The following TAF3 variants were observed in gnomAD, a reference collection of about 807,000 sequenced individuals.
TAF3 encodes TATA-box binding protein associated factor 3.
TAF3 carries 7 observed loss-of-function variants against 80.6 expected under a neutral mutation model. The ratio of observed to expected loss-of-function variants is 0.09; its 90% CI spans 0.05 to 0.16. The LOEUF is 0.16. TAF3 is among the 10% of genes least tolerant of loss of function. The pLI, the probability that TAF3 is intolerant of heterozygous loss-of-function variation, is 1.00. For missense variants in TAF3, 921 were observed against 1,140.2 expected, an observed-to-expected ratio of 0.81 and a Z score of 2.77; for synonymous variants, 444 against 446.1, an observed-to-expected ratio of 1.00 and a Z score of 0.06.
chr10:7,873,622 C>G (rs886576093), intron 2 of TAF3, among the ~76,000 whole-genome samples: 3 of 130,636 alleles, frequency 2.3e-5, no homozygotes, highest in Admixed American at 7.4e-5. Context: ...AGTTCTCCCC[C>G]CCCCCCCGTC....
chr10:7,980,847 G>A (rs1436602723), intron 4 of TAF3, among the ~76,000 whole-genome samples: 1 of 152,178 alleles, frequency 6.6e-6, no homozygotes, highest in African/African-American at 2.4e-5. Flanking sequence ...AGGTGGCAAA[G>A]CAGGCACCAG....
At chr10:7,879,847 A>T (rs1306451642) in intron 2 of TAF3, among the ~76,000 whole-genome samples, 2 of 152,244 alleles carry the variant, frequency 1.3e-5, no homozygotes, top group Non-Finnish European at 2.9e-5. Context: ...TGGATTTTTA[A>T]CATTCAGTAT....
intron 4 of TAF3, among the ~76,000 whole-genome samples, chr10:8,005,339 T>G (rs2131438115): frequency 6.6e-6 from 1 of 152,366 alleles, no homozygotes; most frequent in South Asian, 2.1e-4. Flanking sequence ...ATTATCTGTA[T>G]TAATATGAGA....
intron 2 of TAF3, among the ~76,000 whole-genome samples, chr10:7,879,989 C>T (rs1449115703): frequency 6.6e-6 from 1 of 152,086 alleles, no homozygotes; most frequent in East Asian, 1.9e-4. Flanking sequence ...GCAAGAGGAG[C>T]ACTTGAGCCC....
At chr10:8,004,328 A>C (rs1280308918) in intron 4 of TAF3, among the ~76,000 whole-genome samples, 1 of 152,202 alleles carries the variant, frequency 6.6e-6, no homozygotes, top group African/African-American at 2.4e-5. Flanking sequence ...GATTACGGGC[A>C]TGAGCCAATG....
intron 2 of TAF3, among the ~76,000 whole-genome samples, chr10:7,825,914 A>C (rs1836735899): frequency 6.6e-6 from 1 of 152,104 alleles, no homozygotes; most frequent in Non-Finnish European, 1.5e-5. Context: ...ATTTTTGAGG[A>C]AGCACCACAC....
intron 2 of TAF3, among the ~76,000 whole-genome samples, chr10:7,935,565 CAG>C: frequency 6.6e-6 from 1 of 152,070 alleles, no homozygotes. Flanking sequence ...GCCTGAGTGA[CAG>C]AGAGAGACAA....
intron 2 of TAF3, among the ~76,000 whole-genome samples, chr10:7,891,259 C>A (rs1020318279): frequency 2.0e-5 from 3 of 152,128 alleles, no homozygotes; most frequent in Non-Finnish European, 4.4e-5. Context: ...TTTCAGCCTT[C>A]ATCTTTTATT....
chr10:7,919,891 A>G (rs886098346), intron 2 of TAF3, among the ~76,000 whole-genome samples: 1 of 152,082 alleles, frequency 6.6e-6, no homozygotes, highest in Non-Finnish European at 1.5e-5. Flanking sequence ...TATTGTATAC[A>G]TTGTTAGTCC....
At chr10:7,956,255 C>A (rs886936656) in intron 2 of TAF3, among the ~76,000 whole-genome samples, 13 of 151,964 alleles carry the variant, frequency 8.6e-5, no homozygotes, top group African/African-American at 3.1e-4. Flanking sequence ...TTTGAGGGGC[C>A]GAGGTGGGCA....
intron 2 of TAF3, among the ~76,000 whole-genome samples, chr10:7,889,600 C>T (rs1165950489): frequency 6.6e-6 from 1 of 152,190 alleles, no homozygotes; most frequent in Non-Finnish European, 1.5e-5. Context: ...CTTCCTCAAG[C>T]CTTGACCTCT....
At chr10:7,828,781 C>G (rs1327378135) in intron 2 of TAF3, among the ~76,000 whole-genome samples, 2 of 151,956 alleles carry the variant, frequency 1.3e-5, no homozygotes, top group African/African-American at 4.8e-5. Context: ...CACCTGTAAT[C>G]CCAGCACTTT....
intron 4 of TAF3, among the ~76,000 whole-genome samples, chr10:8,003,199 G>T (rs1405297884): frequency 1.3e-5 from 2 of 150,366 alleles, no homozygotes; most frequent in Admixed American, 6.7e-5. Flanking sequence ...GTGTTCAGTG[G>T]TTTTTTTTCT....
At chr10:7,857,694 C>T (rs946147131) in intron 2 of TAF3, among the ~76,000 whole-genome samples, 4 of 152,218 alleles carry the variant, frequency 2.6e-5, no homozygotes, top group East Asian at 1.9e-4. Context: ...TTCTTTCACA[C>T]GGGTATAAAT....
At chr10:7,886,642 A>G (rs953787742) in intron 2 of TAF3, among the ~76,000 whole-genome samples, 1 of 152,232 alleles carries the variant, frequency 6.6e-6, no homozygotes, top group Non-Finnish European at 1.5e-5. Flanking sequence ...GTGAAATAAC[A>G]TATATACATC....
At chr10:8,003,132 A>G (rs1288487194) in intron 4 of TAF3, among the ~76,000 whole-genome samples, 2 of 152,190 alleles carry the variant, frequency 1.3e-5, no homozygotes, top group African/African-American at 4.8e-5. Context: ...TTTATGTGAT[A>G]TAATCATTGA....
At chr10:7,878,588 T>C (rs1024706893) in intron 2 of TAF3, among the ~76,000 whole-genome samples, 4 of 152,154 alleles carry the variant, frequency 2.6e-5, no homozygotes, top group Admixed American at 1.3e-4. Context: ...AACAAGGGTA[T>C]TTAAATCAGC....
chr10:7,851,386 G>A (rs1473330350), intron 2 of TAF3, among the ~76,000 whole-genome samples: 2 of 152,198 alleles, frequency 1.3e-5, no homozygotes, highest in African/African-American at 4.8e-5. Flanking sequence ...GGTGGTTGGG[G>A]CAGAGTGTTA....
In TAF3 at chr10:7,826,280, A is replaced by G. The variant is rs1056310784; in HGVS notation, c.409+1720A>G. ...GGACTTTGATCATAATCTACACTTA[A>G]CTATTTGGTCCTTCTTGTCTTATTT... On this transcript the variant is annotated intron_variant, in intron 2 of 6. Coordinates refer to ENST00000344293, the MANE Select transcript of TAF3 (RefSeq NM_031923.4). 6.6e-5 allele frequency among the ~76,000 whole-genome samples: 10 copies of G among 152,342 alleles called. No homozygotes were observed. In the East Asian group the frequency reaches 1.9e-3, roughly 29 times the overall value.
Sources: allele counts gnomAD v4.1 joint callset (sites outside exome capture counted in the v4.1 genomes callset), GRCh38; gene constraint gnomAD v4.1.1; transcripts MANE v1.5; gene names NCBI Gene and HGNC (gene_info 2026-07-23, HGNC 2026-07-21).